SDHB: variants seen among roughly 807,000 people sequenced by gnomAD.
SDHB encodes succinate dehydrogenase [ubiquinone] iron-sulfur subunit, mitochondrial.
SDHB carries 21 observed loss-of-function variants against 39.7 expected under a neutral mutation model. That is an observed-to-expected ratio of 0.53 (90% confidence interval 0.37 to 0.76). The LOEUF is 0.76. Among genes scored for constraint, SDHB ranks in the 30% least tolerant of loss-of-function variants. The pLI, the probability that SDHB is intolerant of heterozygous loss-of-function variation, is 0.00. For missense variants in SDHB, 343 were observed against 350.9 expected (o/e 0.98, Z 0.18); for synonymous variants, 118 against 117.0 (o/e 1.01, Z -0.06).
chr1:17,032,962 CT>C (rs2078031406), intron 3 of SDHB, 97 bp downstream of exon 3: 1 of 877,840 alleles, frequency 1.1e-6, no homozygotes, highest in Admixed American at 1.8e-5. Flanking sequence ...CAGCAGAGAG[CT>C]GCAGCTGTTT....
At position 17,032,806 on chromosome 1, in the gene SDHB, C is replaced by G. The variant is rs995883551; in HGVS notation, c.286+254G>C. ...CCTAGCTAGGCCTTGAAGCGTGGAG[C>G]AGCTCACAGGGACCGCCAGATGCAG... On this transcript the variant is annotated intron_variant, in intron 3 of 7. Coordinates refer to ENST00000375499, the MANE Select transcript of SDHB (RefSeq NM_003000.3). The G allele has an allele frequency of 6.4e-5, 34 of 533,884 alleles. 1 individual carries two copies. The highest frequency in any genetic ancestry group is 6.3e-4 in the South Asian group (31 of 49,258). 33.1% of individuals were successfully genotyped at this position (533,884 alleles called of 1,614,324 possible).
chr1:17,037,463 G>A (rs2078056345), intron 2 of SDHB, among the ~76,000 whole-genome samples: 1 of 148,778 alleles, frequency 6.7e-6, no homozygotes, highest in South Asian at 2.2e-4. Context: ...CACCACACCT[G>A]GCAAATTTTT....
intron 2 of SDHB, 134 bp from the exon 3 acceptor site, chr1:17,033,279 T>C: frequency 1.3e-6 from 1 of 745,282 alleles, no homozygotes; most frequent in South Asian, 1.5e-5. Context: ...GAATTTGTTC[T>C]GTAGTTTTGT....
At chr1:17,046,997 G>A (rs184092704) in intron 1 of SDHB, among the ~76,000 whole-genome samples, 9 of 152,178 alleles carry the variant, frequency 5.9e-5, no homozygotes, top group African/African-American at 1.2e-4. Context: ...GATTACAGGC[G>A]TGAGCCACCG....
intron 3 of SDHB, among the ~76,000 whole-genome samples, chr1:17,030,264 G>A (rs1427080586): frequency 1.3e-5 from 2 of 151,906 alleles, no homozygotes; most frequent in Admixed American, 6.6e-5. Flanking sequence ...TCTAACTCAC[G>A]GCCTCAAGTA....
intron 2 of SDHB, among the ~76,000 whole-genome samples, chr1:17,042,510 G>A (rs1248544556): frequency 1.3e-5 from 2 of 152,178 alleles, no homozygotes; most frequent in Non-Finnish European, 2.9e-5. Context: ...GGGTGCTGTG[G>A]CTCATGCCTG....
intron 2 of SDHB, among the ~76,000 whole-genome samples, chr1:17,034,629 C>A (rs567794893): frequency 2.0e-5 from 3 of 152,280 alleles, no homozygotes; most frequent in Admixed American, 1.3e-4. Flanking sequence ...ATCCACCTGC[C>A]TCAGCCTTCC....
intron 7 of SDHB, 147 bp from the exon 8 acceptor site, chr1:17,019,105 G>T: frequency 1.4e-6 from 1 of 705,140 alleles, no homozygotes; most frequent in African/African-American, 1.8e-5. Context: ...ATAGGGGTTG[G>T]GCTAAGGGCT....
chr1:17,025,359 G>A (rs1351655231), intron 5 of SDHB, among the ~76,000 whole-genome samples: 1 of 150,472 alleles, frequency 6.6e-6, no homozygotes, highest in African/African-American at 2.4e-5. Context: ...AAAAACAAAG[G>A]AAACTATAAA....
chr1:17,025,088 T>G (rs1313182163), intron 5 of SDHB, among the ~76,000 whole-genome samples: 1 of 152,198 alleles, frequency 6.6e-6, no homozygotes, highest in African/African-American at 2.4e-5. Flanking sequence ...TGGGCAGAAC[T>G]TGAAGGATAA....
At chr1:17,020,398 T>A (rs1021016502) in intron 7 of SDHB, among the ~76,000 whole-genome samples, 13 of 152,142 alleles carry the variant, frequency 8.5e-5, no homozygotes, top group African/African-American at 3.1e-4. Flanking sequence ...AACTTGATGG[T>A]TTTCAAGTCC....
intron 7 of SDHB, among the ~76,000 whole-genome samples, chr1:17,021,514 G>T (rs939684644): frequency 3.3e-5 from 5 of 152,160 alleles, no homozygotes; most frequent in Non-Finnish European, 5.9e-5. Context: ...GGAGGCCAAG[G>T]TGGGTGGATC....
At chr1:17,027,632 C>G (rs2077998343) in intron 5 of SDHB, 117 bp downstream of exon 5, 1 of 772,174 alleles carries the variant, frequency 1.3e-6, no homozygotes, top group South Asian at 1.4e-5. Context: ...GTGCCAGTTC[C>G]TCTCCAGAAT....
chr1:17,030,655 T>C (rs2078017507), intron 3 of SDHB, among the ~76,000 whole-genome samples: 1 of 152,110 alleles, frequency 6.6e-6, no homozygotes, highest in South Asian at 2.1e-4. Context: ...CAGAGAAACC[T>C]GATTGCTTGA....
At chr1:17,020,851 C>T (rs1335120542) in intron 7 of SDHB, among the ~76,000 whole-genome samples, 2 of 152,188 alleles carry the variant, frequency 1.3e-5, no homozygotes, top group South Asian at 2.1e-4. Flanking sequence ...AGCCTGTGGG[C>T]TCCCCCAGCG....
chr1:17,037,519 T>A (rs935671840), intron 2 of SDHB, among the ~76,000 whole-genome samples: 1 of 150,648 alleles, frequency 6.6e-6, no homozygotes, highest in African/African-American at 2.4e-5. Flanking sequence ...TGCAGTGGCG[T>A]GATCTTGGCT....
chr1:17,023,348 G>C (rs1444173081), intron 6 of SDHB, among the ~76,000 whole-genome samples: 1 of 152,170 alleles, frequency 6.6e-6, no homozygotes, highest in Non-Finnish European at 1.5e-5. Context: ...ATCTTCACAT[G>C]GCTGGGAATC....
chr1:17,040,276 G>T (rs1484246204), intron 2 of SDHB, among the ~76,000 whole-genome samples: 2 of 152,130 alleles, frequency 1.3e-5, no homozygotes, highest in African/African-American at 4.8e-5. Flanking sequence ...TGACTTCATG[G>T]AACAGGGCAT....
chr1:17,040,380 T>A (rs1297560164), intron 2 of SDHB, among the ~76,000 whole-genome samples: 1 of 152,094 alleles, frequency 6.6e-6, no homozygotes, highest in African/African-American at 2.4e-5. Flanking sequence ...TGGCCATGAG[T>A]TCTTCAAATA....
Sources: gnomAD v4.1 joint callset for allele counts (sites outside exome capture counted in the v4.1 genomes callset) on GRCh38, gnomAD v4.1.1 for gene constraint, MANE v1.5 for transcripts, NCBI Gene and HGNC (gene_info 2026-07-23, HGNC 2026-07-21) for gene names.